Variants in GABRG1 observed in about 807,000 individuals in gnomAD.
The protein encoded by GABRG1 is gamma-aminobutyric acid type A receptor subunit gamma1.
A neutral mutation model predicts 49.8 loss-of-function variants in GABRG1; 49 were observed. That is an observed-to-expected ratio of 0.98 (90% CI 0.78 to 1.25). The LOEUF (loss-of-function observed/expected upper bound fraction) is 1.25, where lower values mean the gene tolerates loss of function less well. GABRG1 is among the 50% of genes most tolerant of loss of function. The pLI, the probability that GABRG1 is intolerant of heterozygous loss-of-function variation, is 0.00. For synonymous variants in GABRG1, 232 were observed against 185.1 expected (o/e 1.25, Z -2.06); for missense variants, 552 against 552.3 (o/e 1.00, Z 0.01).
intron 2 of GABRG1, among the ~76,000 whole-genome samples, chr4:46,094,254 C>T (rs1720098499): frequency 6.6e-6 from 1 of 151,762 alleles, no homozygotes; most frequent in Admixed American, 6.6e-5. Context: ...AAAAAATGCC[C>T]ACACTTCAAA....
chr4:46,100,470 T>C (rs1418462737), intron 1 of GABRG1, among the ~76,000 whole-genome samples: 1 of 95,064 alleles, frequency 1.1e-5, no homozygotes, highest in East Asian at 2.3e-4. Context: ...GAACTTAAAA[T>C]AAAAGTAAAA....
intron 8 of GABRG1, among the ~76,000 whole-genome samples, chr4:46,048,433 G>A (rs983305132): frequency 1.4e-5 from 2 of 139,618 alleles, no homozygotes; most frequent in African/African-American, 5.6e-5. Flanking sequence ...GTTCTTCCAA[G>A]GTAGAAAAAA....
intron 3 of GABRG1, among the ~76,000 whole-genome samples, chr4:46,082,363 C>T (rs145191150): frequency 3.3e-5 from 5 of 151,676 alleles, no homozygotes; most frequent in East Asian, 3.9e-4. Flanking sequence ...CTCCCATACT[C>T]TTATCTCATC....
rs1009506762 is a variant in GABRG1, at chr4:46,100,035, C to T, written c.105-2686G>A. 2.0e-5 allele frequency among the ~76,000 whole-genome samples: 3 copies of T among 151,820 alleles called. No homozygotes were observed. The East Asian group carries it at 5.9e-4, about 30-fold the overall frequency. ...TTATTTTAAAGTATACAAAGTTTCA[C>T]TTATAACCCTATGCAGATTCCTGGA... On this transcript the variant is annotated intron_variant, in intron 1 of 8. Transcript: ENST00000295452.
chr4:46,098,308 T>C lies in GABRG1; in HGVS notation c.105-959A>G, dbSNP rs77330913. Among the ~76,000 whole-genome samples, 26 of 151,806 alleles carry C rather than the reference T, an allele frequency of 1.7e-4. No homozygotes were observed. The East Asian group carries it at 5.1e-3, about 30-fold the overall frequency. On this transcript the variant is annotated intron_variant, in intron 1 of 8. Coordinates refer to ENST00000295452, the MANE Select transcript of GABRG1 (RefSeq NM_173536.4). ...ATAAGTAACGCCATCTTCTTTTGAGTAAGGTCATTCTAGACTTAACAACAC... is the reference window on the plus strand; with the variant it reads ...ATAAGTAACGCCATCTTCTTTTGAGCAAGGTCATTCTAGACTTAACAACAC...
Position 46,117,757 on chromosome 4 carries a change from TATATAC to T in GABRG1, c.104+6047_104+6052del, listed in dbSNP as rs1179157885. On this transcript the variant is annotated intron_variant, in intron 1 of 8. Transcript: ENST00000295452. ...ATACATATACACATATACATACATG[TATATAC>T]ATATACATATATACATACATGTATA... is the stretch of plus-strand genomic sequence containing the variant. Among the ~76,000 whole-genome samples, 969 of 142,910 alleles carry T rather than the reference TATATAC, an allele frequency of 6.8e-3. 21 individuals carry two copies. The highest frequency in any genetic ancestry group is 0.024 in the African/African-American group (926 of 39,016). The allele number at this position is 142,910 out of a possible 152,430, so 93.8% of individuals were successfully genotyped here.
At chr4:46,042,566 T>G (rs1470646709) in intron 8 of GABRG1, among the ~76,000 whole-genome samples, 1 of 151,996 alleles carries the variant, frequency 6.6e-6, no homozygotes, top group Non-Finnish European at 1.5e-5. Flanking sequence ...TGTTAAATGT[T>G]TTCATGCTAA....
chr4:46,097,002 T>C (rs1360663952), intron 2 of GABRG1, among the ~76,000 whole-genome samples, 199 bp downstream of exon 2: 1 of 151,696 alleles, frequency 6.6e-6, no homozygotes, highest in Non-Finnish European at 1.5e-5. Context: ...AATAATTACA[T>C]TAATTTTTTT....
intron 5 of GABRG1, among the ~76,000 whole-genome samples, chr4:46,062,632 G>T (rs1718744347): frequency 6.6e-6 from 1 of 152,124 alleles, no homozygotes. Flanking sequence ...GCCAGTGATG[G>T]TGAGCATTTT....
In GABRG1 at chr4:46,051,526, A is replaced by G. The variant is rs1718220608; in HGVS notation, c.1029T>C (p.Phe343=). Residue 343 remains phenylalanine (F), a synonymous_variant, in exon 8 of 9, where the codon TTT becomes TTC. Coordinates refer to ENST00000295452, the MANE Select transcript of GABRG1 (RefSeq NM_173536.4). ...CATATTCCATCAAGGCTGCAAAAAC[A>G]AAAATGAAACAAACAGAAACAAAGA... ...MDLFVSVCFI[F]VFAALMEYGT... The G allele has an allele frequency of 6.2e-7, 1 of 1,611,828 alleles. No individual in the cohort carries two copies. The highest frequency in any genetic ancestry group is 1.7e-4 in the Middle Eastern group (1 of 6,014).
chr4:46,065,606 A>T (rs1718884274), intron 3 of GABRG1, 22 bp from the exon 4 acceptor site: 2 of 1,051,466 alleles, frequency 1.9e-6, no homozygotes, highest in Non-Finnish European at 2.9e-6. Flanking sequence ...GAAGAGTAAC[A>T]ACATATTAGT....
At chr4:46,120,577 C>A (rs557259330) in intron 1 of GABRG1, among the ~76,000 whole-genome samples, 12 of 151,676 alleles carry the variant, frequency 7.9e-5, no homozygotes, top group Non-Finnish European at 1.8e-4. Flanking sequence ...TTTACTTAGT[C>A]ATTTGCTTTT....
chr4:46,074,318 G>C (rs1254236912), intron 3 of GABRG1, among the ~76,000 whole-genome samples: 1 of 152,132 alleles, frequency 6.6e-6, no homozygotes, highest in Non-Finnish European at 1.5e-5. Context: ...AATAGTCCAC[G>C]TGACTCATGT....
At chr4:46,069,090 G>A (rs533553614) in intron 3 of GABRG1, among the ~76,000 whole-genome samples, 1 of 152,010 alleles carries the variant, frequency 6.6e-6, no homozygotes, top group Non-Finnish European at 1.5e-5. Flanking sequence ...TTGTCAGTTT[G>A]CAATTAAGCA....
At chr4:46,105,132 C>T (rs1206529917) in intron 1 of GABRG1, among the ~76,000 whole-genome samples, 2 of 151,166 alleles carry the variant, frequency 1.3e-5, no homozygotes, top group Non-Finnish European at 3.0e-5. Context: ...AAGGAGACTT[C>T]GGAAATCCAA....
At chr4:46,056,522 A>T (rs1329281767) in intron 7 of GABRG1, among the ~76,000 whole-genome samples, 1 of 152,156 alleles carries the variant, frequency 6.6e-6, no homozygotes, top group Non-Finnish European at 1.5e-5. Context: ...ACACCCTGTC[A>T]TTTTCTAAAC....
chr4:46,104,724 T>C (rs557387803), intron 1 of GABRG1, among the ~76,000 whole-genome samples: 16 of 151,628 alleles, frequency 1.1e-4, no homozygotes, highest in Admixed American at 2.6e-4. Context: ...TTTATTAAAC[T>C]TCATTTGACA....
intron 5 of GABRG1, among the ~76,000 whole-genome samples, chr4:46,061,176 C>A (rs1216167725): frequency 2.0e-5 from 3 of 152,212 alleles, no homozygotes; most frequent in Admixed American, 2.0e-4. Flanking sequence ...TGCATATGAA[C>A]TTTTCCTTGA....
chr4:46,092,987 T>C (rs553253610), intron 2 of GABRG1, among the ~76,000 whole-genome samples: 2 of 150,416 alleles, frequency 1.3e-5, no homozygotes, highest in South Asian at 4.2e-4. Flanking sequence ...GAGAATTGCT[T>C]GAACCCAGAA....
Sources: allele counts gnomAD v4.1 joint callset (sites outside exome capture counted in the v4.1 genomes callset), GRCh38; gene constraint gnomAD v4.1.1; transcripts MANE v1.5; gene names NCBI Gene and HGNC (gene_info 2026-07-23, HGNC 2026-07-21).